FOXJ3: variants seen among roughly 807,000 people sequenced by gnomAD.
FOXJ3 encodes the protein forkhead box protein J3.
Under a neutral mutation model 76.1 loss-of-function variants are expected in FOXJ3, and 22 were observed. The ratio of observed to expected loss-of-function variants is 0.29; its 90% CI spans 0.21 to 0.41. The LOEUF is 0.41. FOXJ3 is among the 10% of genes least tolerant of loss of function. The pLI, the probability that FOXJ3 is intolerant of heterozygous loss-of-function variation, is 1.00. For synonymous variants in FOXJ3, 269 were observed against 261.2 expected (o/e 1.03, Z -0.29); for missense variants, 613 against 762.1 (o/e 0.80, Z 2.30).
intron 1 of FOXJ3, among the ~76,000 whole-genome samples, chr1:42,320,570 C>G (rs906731472): frequency 1.3e-5 from 2 of 151,858 alleles, no homozygotes; most frequent in Admixed American, 1.3e-4. Flanking sequence ...TGAAATTATA[C>G]AGTATATGAA....
At chr1:42,209,820 C>T (rs1646931872) in intron 5 of FOXJ3, among the ~76,000 whole-genome samples, 1 of 152,192 alleles carries the variant, frequency 6.6e-6, no homozygotes, top group African/African-American at 2.4e-5. Flanking sequence ...GAGAGACACT[C>T]CCAAATGAGA....
At chr1:42,218,280 A>C (rs1270764964) in intron 5 of FOXJ3, among the ~76,000 whole-genome samples, 1 of 152,224 alleles carries the variant, frequency 6.6e-6, no homozygotes, top group Non-Finnish European at 1.5e-5. Flanking sequence ...GCATGACAAC[A>C]ATTTCAGATA....
chr1:42,291,792 G>C (rs1005446852), intron 2 of FOXJ3, among the ~76,000 whole-genome samples: 2 of 152,156 alleles, frequency 1.3e-5, no homozygotes, highest in Non-Finnish European at 2.9e-5. Flanking sequence ...GTGGGTGGAG[G>C]GGATGAACCA....
intron 4 of FOXJ3, among the ~76,000 whole-genome samples, chr1:42,261,669 A>G (rs1416292975): frequency 6.6e-6 from 1 of 152,230 alleles, no homozygotes; most frequent in East Asian, 1.9e-4. Context: ...GAAAATACAG[A>G]GAAGATGCTA....
intron 2 of FOXJ3, among the ~76,000 whole-genome samples, chr1:42,286,605 T>C (rs1035675055): frequency 1.3e-5 from 2 of 152,192 alleles, no homozygotes; most frequent in Non-Finnish European, 1.5e-5. Flanking sequence ...TTAATATTAA[T>C]ATGAAGTTCA....
chr1:42,243,499 C>A (rs887940809), intron 4 of FOXJ3, among the ~76,000 whole-genome samples: 17 of 152,086 alleles, frequency 1.1e-4, no homozygotes, highest in Non-Finnish European at 1.8e-4. Flanking sequence ...AAAACAAAAA[C>A]CATGACCCAA....
chr1:42,261,240 A>G (rs1050946179), intron 4 of FOXJ3, among the ~76,000 whole-genome samples: 2 of 152,106 alleles, frequency 1.3e-5, no homozygotes, highest in Non-Finnish European at 2.9e-5. Context: ...AAACAGAACT[A>G]ATGAAAAGAG....
chr1:42,240,764 G>C (rs1274512068), intron 4 of FOXJ3, among the ~76,000 whole-genome samples: 1 of 152,176 alleles, frequency 6.6e-6, no homozygotes, highest in Non-Finnish European at 1.5e-5. Flanking sequence ...TTTTAGAAAA[G>C]ATAAATGTAA....
intron 4 of FOXJ3, among the ~76,000 whole-genome samples, chr1:42,258,560 G>GC (rs1650787761): frequency 6.6e-6 from 1 of 152,138 alleles, no homozygotes; most frequent in African/African-American, 2.4e-5. Flanking sequence ...TCCAATGCCT[G>GC]CTTAGGTCCT....
chr1:42,266,707 A>T (rs1051981805), intron 3 of FOXJ3, among the ~76,000 whole-genome samples: 1 of 152,186 alleles, frequency 6.6e-6, no homozygotes, highest in African/African-American at 2.4e-5. Flanking sequence ...AGTCTCCCCT[A>T]GTGGCATAAA....
At chr1:42,298,119 T>TTCCC in intron 2 of FOXJ3, among the ~76,000 whole-genome samples, 1 of 152,294 alleles carries the variant, frequency 6.6e-6, no homozygotes, top group East Asian at 1.9e-4. Flanking sequence ...TACAAGGGGC[T>TTCCC]TCCCTCCACT....
At chr1:42,302,172 G>A (rs1388853036) in intron 2 of FOXJ3, among the ~76,000 whole-genome samples, 2 of 152,126 alleles carry the variant, frequency 1.3e-5, no homozygotes, top group African/African-American at 2.4e-5. Flanking sequence ...GTGGGGCCAG[G>A]GTGGTGGAGG....
At chr1:42,226,343 G>A (rs1569944336) in intron 5 of FOXJ3, among the ~76,000 whole-genome samples, 2 of 152,216 alleles carry the variant, frequency 1.3e-5, no homozygotes, top group Admixed American at 1.3e-4. Context: ...CGGGCACGGC[G>A]GGTCACGCCT....
intron 4 of FOXJ3, among the ~76,000 whole-genome samples, chr1:42,228,969 T>C (rs1373136978): frequency 1.3e-5 from 2 of 152,208 alleles, no homozygotes; most frequent in Non-Finnish European, 2.9e-5. Flanking sequence ...CGCTTAACAA[T>C]GAGGGGAAAT....
intron 4 of FOXJ3, among the ~76,000 whole-genome samples, chr1:42,250,138 G>A (rs1292169379): frequency 3.3e-5 from 5 of 152,138 alleles, no homozygotes; most frequent in Non-Finnish European, 5.9e-5. Flanking sequence ...CACAGAAAAA[G>A]TAAACAGAGA....
At chr1:42,238,833 G>A (rs962966474) in intron 4 of FOXJ3, among the ~76,000 whole-genome samples, 16 of 152,094 alleles carry the variant, frequency 1.1e-4, no homozygotes, top group South Asian at 2.1e-4. Context: ...GTGAGCCACC[G>A]CACCCAGCCT....
intron 2 of FOXJ3, among the ~76,000 whole-genome samples, chr1:42,305,590 A>G (rs951123801): frequency 5.3e-5 from 8 of 152,192 alleles, no homozygotes; most frequent in African/African-American, 1.9e-4. Context: ...GGGGGTCATT[A>G]TGCTAAGTGA....
At position 42,179,496 on chromosome 1, in the gene FOXJ3, C is replaced by G. The variant is rs988659585; in HGVS notation, c.*214G>C. 1 of 378,344 alleles carries G rather than the reference C, an allele frequency of 2.6e-6. No individual in the cohort carries two copies. The highest frequency in any genetic ancestry group is 4.8e-6 in the Non-Finnish European group (1 of 207,258). 23.4% of individuals were successfully genotyped at this position (378,344 alleles called of 1,614,324 possible). On this transcript the variant is annotated 3_prime_UTR_variant, in exon 13 of 13. Coordinates refer to ENST00000361346, the MANE Select transcript of FOXJ3 (RefSeq NM_014947.5). ...CACAACAGTTAGGAGCTACATAGGGCAGCTGGCAGGGAGACAAACATGTAG... is the reference window on the plus strand; with the variant it reads ...CACAACAGTTAGGAGCTACATAGGGGAGCTGGCAGGGAGACAAACATGTAG...
At chr1:42,248,612 A>G (rs370226329) in intron 4 of FOXJ3, among the ~76,000 whole-genome samples, 25 of 152,048 alleles carry the variant, frequency 1.6e-4, no homozygotes, top group South Asian at 1.5e-3. Flanking sequence ...GATCTAAGAG[A>G]AAAAGGAATC....
Sources: allele counts gnomAD v4.1 joint callset (sites outside exome capture counted in the v4.1 genomes callset), GRCh38; gene constraint gnomAD v4.1.1; transcripts MANE v1.5; gene names NCBI Gene and HGNC (gene_info 2026-07-23, HGNC 2026-07-21).